The following PRIM2 variants were observed in gnomAD, a reference collection of about 807,000 sequenced individuals.
PRIM2 encodes the protein DNA primase large subunit.
PRIM2 carries 39 observed loss-of-function variants against 67.3 expected under a neutral mutation model. The observed-to-expected ratio is 0.58, with a 90% CI of 0.45 to 0.76. The LOEUF is 0.76. Among genes scored for constraint, PRIM2 ranks in the 30% least tolerant of loss-of-function variants. PRIM2 has a pLI of 0.00. For missense variants in PRIM2, 398 were observed against 598.7 expected (o/e 0.66, Z 3.50); for synonymous variants, 143 against 198.7 (o/e 0.72, Z 2.36).
the PRIM2 span, among the ~76,000 whole-genome samples, chr6:57,254,183 A>G: frequency 6.6e-6 from 1 of 152,336 alleles, no homozygotes; most frequent in South Asian, 2.1e-4. Flanking sequence ...TGGCCTGGCA[A>G]CTACACTTTG....
the PRIM2 span, among the ~76,000 whole-genome samples, chr6:57,304,472 A>G: frequency 1.3e-5 from 2 of 152,268 alleles, no homozygotes; most frequent in Non-Finnish European, 2.9e-5. Context: ...GTCATTAATC[A>G]GAGTTTGTAG....
chr6:57,377,100 G>T (rs1368482563), intron 5 of PRIM2, among the ~76,000 whole-genome samples: 1 of 150,940 alleles, frequency 6.6e-6, no homozygotes, highest in Non-Finnish European at 1.5e-5. Context: ...ATGTTGGCCA[G>T]GCTGGTCTCA....
At chr6:57,497,235 G>A (rs1410067484) in intron 7 of PRIM2, among the ~76,000 whole-genome samples, 1 of 152,152 alleles carries the variant, frequency 6.6e-6, no homozygotes, top group African/African-American at 2.4e-5. Context: ...CTCCTTGAAT[G>A]TTCCAGGTAC....
intron 10 of PRIM2, among the ~76,000 whole-genome samples, chr6:57,588,765 G>T (rs1486735531): frequency 6.6e-6 from 1 of 151,974 alleles, no homozygotes; most frequent in Non-Finnish European, 1.5e-5. Context: ...GAGCCTAGAC[G>T]TGTATACATT....
chr6:57,301,848 A>G, the PRIM2 span, among the ~76,000 whole-genome samples: 1 of 152,204 alleles, frequency 6.6e-6, no homozygotes, highest in Non-Finnish European at 1.5e-5. Flanking sequence ...AAAGAATGGG[A>G]GAAATATACC....
chr6:57,479,896 G>A (rs1202845251), intron 7 of PRIM2, among the ~76,000 whole-genome samples: 2 of 152,350 alleles, frequency 1.3e-5, no homozygotes, highest in African/African-American at 2.4e-5. Flanking sequence ...ACTAACTATG[G>A]TATCAGGCAG....
intron 10 of PRIM2, among the ~76,000 whole-genome samples, chr6:57,569,514 T>G (rs1305035325): frequency 6.6e-6 from 1 of 152,112 alleles, no homozygotes; most frequent in African/African-American, 2.4e-5. Flanking sequence ...ACCAAAACAC[T>G]GATAACTACA....
intron 12 of PRIM2, among the ~76,000 whole-genome samples, chr6:57,627,683 G>A (rs1350268417): frequency 2.3e-4 from 35 of 152,028 alleles, no homozygotes; most frequent in African/African-American, 7.5e-4. Flanking sequence ...CACCGTGCCC[G>A]TCCACTACTC....
At chr6:57,409,682 A>G in intron 7 of PRIM2, among the ~76,000 whole-genome samples, 1 of 152,336 alleles carries the variant, frequency 6.6e-6, no homozygotes, top group African/African-American at 2.4e-5. Flanking sequence ...GTATGATGAT[A>G]TCTCATTGTG....
the PRIM2 span, among the ~76,000 whole-genome samples, chr6:57,230,333 C>A: frequency 6.6e-6 from 1 of 152,322 alleles, no homozygotes; most frequent in Admixed American, 6.5e-5. Flanking sequence ...CAGGACATCT[C>A]TTCAATCACT....
intron 7 of PRIM2, among the ~76,000 whole-genome samples, chr6:57,414,240 A>G (rs1302914199): frequency 1.3e-5 from 2 of 152,142 alleles, no homozygotes. Flanking sequence ...TCTTCAAAGG[A>G]TGCACAAATG....
the PRIM2 span, among the ~76,000 whole-genome samples, chr6:57,295,316 T>TATC: frequency 2.6e-5 from 4 of 151,996 alleles, no homozygotes; most frequent in African/African-American, 7.3e-5. Flanking sequence ...GACAAAAAAT[T>TATC]ATCTCTTAAC....
chr6:57,615,980 C>T (rs1776749852), intron 12 of PRIM2, among the ~76,000 whole-genome samples: 1 of 152,182 alleles, frequency 6.6e-6, no homozygotes, highest in African/African-American at 2.4e-5. Flanking sequence ...CTTTAATTCT[C>T]ACAGAGCTTA....
chr6:57,426,367 T>C (rs1284037110), intron 7 of PRIM2, among the ~76,000 whole-genome samples: 1 of 152,260 alleles, frequency 6.6e-6, no homozygotes, highest in Non-Finnish European at 1.5e-5. Flanking sequence ...TGGTTTCTTT[T>C]GCTCAGCCAG....
the PRIM2 span, among the ~76,000 whole-genome samples, chr6:57,234,938 T>C: frequency 6.6e-6 from 1 of 152,202 alleles, no homozygotes; most frequent in African/African-American, 2.4e-5. Flanking sequence ...TTTGAAAGGC[T>C]GAGGCCAGAG....
At chr6:57,480,715 G>T (rs1172773864) in intron 7 of PRIM2, among the ~76,000 whole-genome samples, 18 of 152,192 alleles carry the variant, frequency 1.2e-4, no homozygotes, top group Admixed American at 6.5e-4. Flanking sequence ...TGCAACCTCC[G>T]CCTCCCAGGT....
intron 3 of PRIM2, among the ~76,000 whole-genome samples, chr6:57,321,917 G>A (rs1198998410): frequency 6.6e-6 from 1 of 152,128 alleles, no homozygotes; most frequent in Non-Finnish European, 1.5e-5. Context: ...TGTTTCTGTA[G>A]TGGTGCTTTT....
chr6:57,422,158 CTTT>C (rs575958629), intron 7 of PRIM2, among the ~76,000 whole-genome samples: 1 of 103,312 alleles, frequency 9.7e-6, no homozygotes, highest in Admixed American at 1.1e-4. Flanking sequence ...TCTTTTCTTT[CTTT>C]TTTTTTTTTT....
intron 7 of PRIM2, among the ~76,000 whole-genome samples, chr6:57,398,342 A>G (rs1770593868): frequency 6.6e-6 from 1 of 152,026 alleles, no homozygotes; most frequent in Non-Finnish European, 1.5e-5. Flanking sequence ...AAATTCTAAT[A>G]TGTTGTATCT....
Sources: gnomAD v4.1 joint callset for allele counts (sites outside exome capture counted in the v4.1 genomes callset) on GRCh38, gnomAD v4.1.1 for gene constraint, MANE v1.5 for transcripts, NCBI Gene and HGNC (gene_info 2026-07-23, HGNC 2026-07-21) for gene names.